Variants in ZNF808 observed in about 807,000 individuals in gnomAD.
The protein encoded by ZNF808 is zinc finger protein 808.
Under a neutral mutation model 8.7 loss-of-function variants are expected in ZNF808, and 5 were observed. That is an observed-to-expected ratio of 0.58 (90% confidence interval 0.30 to 1.21). ZNF808 has a LOEUF of 1.21. ZNF808 is among the 50% of genes most tolerant of loss of function. ZNF808 has a pLI of 0.07. For missense variants in ZNF808, 1,103 were observed against 1,098.4 expected, an observed-to-expected ratio of 1.00 and a Z score of -0.06; for synonymous variants, 380 against 366.0, an observed-to-expected ratio of 1.04 and a Z score of -0.44.
At chr19:52,547,363 C>A (rs750840947) in intron 3 of ZNF808, 149 bp from the exon 4 acceptor site, 27 of 1,466,432 alleles carry the variant, frequency 1.8e-5, no homozygotes, top group Non-Finnish European at 2.4e-5. Context: ...TGCAACTATA[C>A]GGAAAAAATA....
intron 3 of ZNF808, among the ~76,000 whole-genome samples, chr19:52,546,748 A>C (rs1311191877): frequency 2.7e-5 from 4 of 149,912 alleles, no homozygotes; most frequent in Non-Finnish European, 5.9e-5. Flanking sequence ...GATTCAAGCA[A>C]TTCTCCTGCC....
At chr19:52,567,821 G>A (rs914656227), downstream of ZNF808, among the ~76,000 whole-genome samples, 8 of 151,862 alleles carry the variant, frequency 5.3e-5, no homozygotes, top group South Asian at 2.1e-4. Flanking sequence ...CACCGCGCCC[G>A]GCCTGAAGTA....
chr19:52,540,252 T>C (rs2059657827), intron 2 of ZNF808, among the ~76,000 whole-genome samples: 1 of 151,930 alleles, frequency 6.6e-6, no homozygotes, highest in South Asian at 2.1e-4. Flanking sequence ...CATTGTGGTC[T>C]TCCTGCCCCG....
Position 52,554,701 on chromosome 19 carries a change from C to A in ZNF808, c.1785C>A (p.Tyr595Ter). ...HRRLHTGEKP[Y>*]KCEACDKVFG... ...GACTTCATACTGGAGAGAAACCTTA[C>A]AAATGTGAAGCATGTGACAAAGTTT... Residue 595 changes from tyrosine (Y) to a stop codon, truncating the protein, a stop_gained, in exon 5 of 5, where the codon TAC (tyrosine) becomes TAA (stop). Transcript: ENST00000359798. LOFTEE classifies it low-confidence loss of function (END_TRUNC). The A allele has an allele frequency of 6.2e-7, 1 of 1,613,926 alleles. No homozygotes were observed.
At chr19:52,545,821 A>C (rs2059714958) in intron 3 of ZNF808, among the ~76,000 whole-genome samples, 1 of 151,876 alleles carries the variant, frequency 6.6e-6, no homozygotes, top group African/African-American at 2.4e-5. Context: ...GATTATATGT[A>C]TGCCTGTGTG....
chr19:52,532,141 C>G (rs1349537647), intron 1 of ZNF808, among the ~76,000 whole-genome samples: 2 of 152,150 alleles, frequency 1.3e-5, no homozygotes, highest in Non-Finnish European at 1.5e-5. Context: ...ATGGAACTGA[C>G]ACACTGCACT....
chr19:52,533,843 CAAAAAA>C (rs919374020), intron 2 of ZNF808, among the ~76,000 whole-genome samples: 1 of 30,760 alleles, frequency 3.3e-5, no homozygotes, highest in Non-Finnish European at 5.4e-5. Flanking sequence ...ACTCCGTCTC[CAAAAAA>C]AAAAAAAAAA....
chr19:52,557,780 C>G (rs558051877), downstream of ZNF808, among the ~76,000 whole-genome samples: 1 of 152,172 alleles, frequency 6.6e-6, no homozygotes, highest in South Asian at 2.1e-4. Context: ...GCGTAAGATG[C>G]TTCTCTGATT....
exon 4 of ZNF808, chr19:52,563,519 C>G (rs1461106783): frequency 6.6e-6 from 1 of 152,338 alleles, no homozygotes; most frequent in African/African-American, 2.4e-5. Context: ...GTTGACAGAG[C>G]AAGATGCTGT....
chr19:52,533,842 CCAAAAAAAA>C (rs1882531693), intron 2 of ZNF808, among the ~76,000 whole-genome samples: 2 of 55,240 alleles, frequency 3.6e-5, no homozygotes, highest in Non-Finnish European at 6.5e-5. Flanking sequence ...GACTCCGTCT[CCAAAAAAAA>C]AAAAAAAAAA....
chr19:52,567,210 C>A (rs1314339632), downstream of ZNF808, among the ~76,000 whole-genome samples: 4 of 152,038 alleles, frequency 2.6e-5, no homozygotes, highest in Non-Finnish European at 4.4e-5. Flanking sequence ...CGTCGGCCTT[C>A]CAAAGTGCCA....
rs761142012 is a variant in ZNF808 at position 52,554,126 on chromosome 19, T to C, written c.1210T>C (p.Cys404Arg). ...AGAGAAAACATACAAGTGTAATGAG[T>C]GTGGTAAGGCTTTTAATCATCAATC... ...SGEKTYKCNE[C>R]GKAFNHQSSL... Residue 404 changes from cysteine to arginine, a missense_variant, in exon 5 of 5, where the codon TGT (cysteine) becomes CGT (arginine). Physicochemically the swap from Cys to Arg is radical, Grantham distance 180 (BLOSUM62 -3). Coordinates refer to ENST00000359798, the MANE Select transcript of ZNF808 (RefSeq NM_001039886.4). The C allele has an allele frequency of 8.1e-5, 130 of 1,614,062 alleles. No individual in the cohort carries two copies. Among genetic ancestry groups the C allele is most frequent in the Non-Finnish European group, 1.1e-4 (127 of 1,180,052 alleles).
chr19:52,556,933 T>A (rs1328863190), downstream of ZNF808, among the ~76,000 whole-genome samples: 1 of 152,118 alleles, frequency 6.6e-6, no homozygotes, highest in Admixed American at 6.6e-5. Flanking sequence ...TGGAGTGGCA[T>A]AGAATGCTCC....
Position 52,554,042 on chromosome 19 carries a change from T to C in ZNF808, c.1126T>C (p.Cys376Arg). Reference sequence around the variant, plus strand: ...AGTGAAACCTTACAAATGTAAGATTTGTGAGAAGGCTTTTGCGTGTCATTC... The same window carrying C: ...AGTGAAACCTTACAAATGTAAGATTCGTGAGAAGGCTTTTGCGTGTCATTC... ...TGVKPYKCKI[C>R]EKAFACHSYL... The change falls in exon 5 of 5, where the codon TGT becomes CGT. Residue 376 changes from cysteine (C) to arginine (R), a missense_variant. Cys to Arg is a radical substitution (Grantham distance 180). Coordinates refer to ENST00000359798, the MANE Select transcript of ZNF808 (RefSeq NM_001039886.4). 6.2e-7 allele frequency: 1 copy of C among 1,614,108 alleles called. No homozygotes were observed. Among genetic ancestry groups the C allele is most frequent in the Non-Finnish European group, 8.5e-7 (1 of 1,180,002 alleles).
At chr19:52,529,368 C>A (rs998334865) in intron 1 of ZNF808, among the ~76,000 whole-genome samples, 1 of 152,038 alleles carries the variant, frequency 6.6e-6, no homozygotes, top group Non-Finnish European at 1.5e-5. Flanking sequence ...GTCAACAGAG[C>A]GAGATCTTGT....
downstream of ZNF808, among the ~76,000 whole-genome samples, chr19:52,568,127 T>G (rs2059877172): frequency 6.6e-6 from 1 of 152,168 alleles, no homozygotes. Flanking sequence ...ATCCCAGCAC[T>G]CTGGGAGGCT....
At chr19:52,533,151 C>T (rs945221005) in intron 2 of ZNF808, 142 bp downstream of exon 2, 1 of 152,140 alleles carries the variant, frequency 6.6e-6, no homozygotes, top group African/African-American at 2.4e-5. Flanking sequence ...AGTGCATTTT[C>T]TGTTTTCTGA....
intron 3 of ZNF808, among the ~76,000 whole-genome samples, chr19:52,545,163 T>G (rs979772978): frequency 3.9e-5 from 6 of 152,174 alleles, no homozygotes; most frequent in Non-Finnish European, 8.8e-5. Flanking sequence ...TATTACATCA[T>G]TGATTTTATT....
intron 3 of ZNF808, among the ~76,000 whole-genome samples, chr19:52,544,089 G>T (rs765200628): frequency 3.9e-5 from 6 of 152,122 alleles, no homozygotes; most frequent in Non-Finnish European, 8.8e-5. Flanking sequence ...AGTCCAGGAG[G>T]TGGAGGTTAC....
Sources: gnomAD v4.1 joint callset for allele counts (sites outside exome capture counted in the v4.1 genomes callset) on GRCh38, gnomAD v4.1.1 for gene constraint, MANE v1.5 for transcripts, NCBI Gene and HGNC (gene_info 2026-07-23, HGNC 2026-07-21) for gene names.